The following FARS2 variants were observed in gnomAD, a reference collection of about 807,000 sequenced individuals.
FARS2 encodes phenylalanyl-tRNA synthetase 2, mitochondrial.
Under a neutral mutation model 46.4 loss-of-function variants are expected in FARS2, and 40 were observed. That is an observed-to-expected ratio of 0.86 (90% CI 0.67 to 1.12). The LOEUF (loss-of-function observed/expected upper bound fraction) is 1.12. FARS2 is among the 50% of genes most tolerant of loss of function. The pLI is 0.00. For missense variants in FARS2, 513 were observed against 567.9 expected, an observed-to-expected ratio of 0.90 and a Z score of 0.98; for synonymous variants, 234 against 214.9, an observed-to-expected ratio of 1.09 and a Z score of -0.78.
chr6:5,649,922 A>G (rs1389167103), intron 6 of FARS2, among the ~76,000 whole-genome samples: 1 of 152,186 alleles, frequency 6.6e-6, no homozygotes, highest in Non-Finnish European at 1.5e-5. Context: ...CTTTTTGATA[A>G]AAAGACCCCA....
At chr6:5,309,696 T>C (rs1245764540) in intron 1 of FARS2, among the ~76,000 whole-genome samples, 3 of 152,182 alleles carry the variant, frequency 2.0e-5, no homozygotes, top group Non-Finnish European at 4.4e-5. Context: ...AGAGATTTGC[T>C]AGAAGAGTTA....
At chr6:5,378,470 G>A (rs1243503888) in intron 2 of FARS2, among the ~76,000 whole-genome samples, 1 of 152,114 alleles carries the variant, frequency 6.6e-6, no homozygotes, top group Non-Finnish European at 1.5e-5. Context: ...TTTCCAGATG[G>A]TTCACTGGAA....
Position 5,393,845 on chromosome 6 carries a change from C to T in FARS2, c.613-10697C>T, listed in dbSNP as rs1051747967. Among the ~76,000 whole-genome samples, 6 of 152,322 alleles carry T rather than the reference C, an allele frequency of 3.9e-5. 2 individuals carry two copies. The highest frequency in any genetic ancestry group is 1.4e-4 in the African/African-American group (6 of 41,582). On this transcript the variant is annotated intron_variant, in intron 2 of 6. Coordinates refer to ENST00000274680, the MANE Select transcript of FARS2 (RefSeq NM_006567.5). ...TGCTGAGATGCTCATTGGTCATCTC[C>T]TCTGTGATGTTTGTTTAGTATGTGG...
chr6:5,575,721 C>T (rs965626518), intron 5 of FARS2, among the ~76,000 whole-genome samples: 14 of 152,296 alleles, frequency 9.2e-5, no homozygotes, highest in African/African-American at 3.4e-4. Context: ...AATAGTTTCT[C>T]AGCCCTTCTT....
rs376143554 is a variant in FARS2 at position 5,415,607 on chromosome 6, G to A, written c.772+10906G>A. On this transcript the variant is annotated intron_variant, in intron 3 of 6. Coordinates refer to ENST00000274680, the MANE Select transcript of FARS2 (RefSeq NM_006567.5). Reference sequence around the variant, plus strand: ...GTTGGGATTACAGGCGTGAGCCACCGCTCCCTGCCTAATTTGTGTTTTCTT... The same window carrying A: ...GTTGGGATTACAGGCGTGAGCCACCACTCCCTGCCTAATTTGTGTTTTCTT... 9.5e-4 allele frequency among the ~76,000 whole-genome samples: 145 copies of A among 152,160 alleles called. 1 individual carries two copies. In the East Asian group the frequency reaches 0.013, roughly 14 times the overall value.
At chr6:5,770,227 C>T (rs986767166) in intron 6 of FARS2, among the ~76,000 whole-genome samples, 1 of 152,110 alleles carries the variant, frequency 6.6e-6, no homozygotes, top group African/African-American at 2.4e-5. Flanking sequence ...TGTTCAAGGC[C>T]CTGGTATTAC....
chr6:5,451,043 ACTT>A (rs1378712249), intron 4 of FARS2, among the ~76,000 whole-genome samples: 43 of 152,272 alleles, frequency 2.8e-4, no homozygotes, highest in Admixed American at 2.7e-3. Flanking sequence ...TGCTGTAAAC[ACTT>A]CAGGGTTTTC....
intron 5 of FARS2, among the ~76,000 whole-genome samples, chr6:5,546,464 C>G (rs145129998): frequency 4.0e-5 from 6 of 151,354 alleles, no homozygotes; most frequent in African/African-American, 1.5e-4. Flanking sequence ...GTTGGCCAGG[C>G]TGGTCTCAAA....
chr6:5,384,292 G>A (rs1045928561), intron 2 of FARS2, among the ~76,000 whole-genome samples: 2 of 152,196 alleles, frequency 1.3e-5, no homozygotes, highest in African/African-American at 4.8e-5. Flanking sequence ...GGAAAGTATA[G>A]TCATTGCGAT....
intron 1 of FARS2, among the ~76,000 whole-genome samples, chr6:5,297,407 G>C (rs775610261): frequency 2.0e-5 from 3 of 152,192 alleles, no homozygotes; most frequent in Admixed American, 6.5e-5. Context: ...CAGCACTTTG[G>C]GGGGCCAAGG....
intron 2 of FARS2, among the ~76,000 whole-genome samples, chr6:5,391,266 A>C (rs1345849499): frequency 6.6e-6 from 1 of 152,184 alleles, no homozygotes; most frequent in Non-Finnish European, 1.5e-5. Flanking sequence ...TTCAGGCTCC[A>C]CCATTTACTA....
chr6:5,353,962 A>T, intron 1 of FARS2, among the ~76,000 whole-genome samples: 2 of 147,116 alleles, frequency 1.4e-5, no homozygotes. Context: ...TTTAAAAGTG[A>T]TTTCTTGTAA....
At chr6:5,440,919 C>CTTTT (rs56965644) in intron 4 of FARS2, among the ~76,000 whole-genome samples, 10 of 144,498 alleles carry the variant, frequency 6.9e-5, no homozygotes, top group Non-Finnish European at 9.1e-5. Context: ...CATTTTCTTT[C>CTTTT]TTTTTTTTTT....
intron 3 of FARS2, among the ~76,000 whole-genome samples, chr6:5,419,762 G>A (rs1050977936): frequency 1.1e-4 from 16 of 152,270 alleles, no homozygotes; most frequent in African/African-American, 3.9e-4. Flanking sequence ...CCGTCATGGA[G>A]CTTATCCCAT....
intron 5 of FARS2, chr6:5,610,310 TTA>T (rs1491582779): frequency 4.7e-3 from 1,550 of 331,574 alleles, no homozygotes; most frequent in Middle Eastern, 7.1e-3. Flanking sequence ...TCAATTCTTT[TTA>T]AAAAAAAAAA....
chr6:5,370,678 C>T (rs1581910294), intron 2 of FARS2, among the ~76,000 whole-genome samples: 1 of 152,170 alleles, frequency 6.6e-6, no homozygotes, highest in African/African-American at 2.4e-5. Flanking sequence ...TGAAGGCTGC[C>T]AGGCACTTCT....
chr6:5,682,349 A>G (rs779581104), intron 6 of FARS2, among the ~76,000 whole-genome samples: 6 of 152,248 alleles, frequency 3.9e-5, no homozygotes, highest in Non-Finnish European at 8.8e-5. Flanking sequence ...TAAATTCGGC[A>G]ATAAATATTG....
chr6:5,260,768 G>C (rs1581626943), upstream of FARS2: 3 of 1,538,186 alleles, frequency 2.0e-6, no homozygotes. Context: ...GGTCCTCTTC[G>C]CCGAGGTCCC....
At chr6:5,579,734 G>A (rs532636440) in intron 5 of FARS2, among the ~76,000 whole-genome samples, 1 of 152,268 alleles carries the variant, frequency 6.6e-6, no homozygotes, top group East Asian at 1.9e-4. Flanking sequence ...GTATCTTGTT[G>A]AGTTATTAAT....
Sources: gnomAD v4.1 joint callset for allele counts (sites outside exome capture counted in the v4.1 genomes callset) on GRCh38, gnomAD v4.1.1 for gene constraint, MANE v1.5 for transcripts, NCBI Gene and HGNC (gene_info 2026-07-23, HGNC 2026-07-21) for gene names.